The following TP53BP2 variants were observed in gnomAD, a reference collection of about 807,000 sequenced individuals.
The protein encoded by TP53BP2 is apoptosis-stimulating of p53 protein 2.
A neutral mutation model predicts 126.2 loss-of-function variants in TP53BP2; 62 were observed. The ratio of observed to expected loss-of-function variants is 0.49; its 90% CI spans 0.40 to 0.61. The LOEUF (loss-of-function observed/expected upper bound fraction) is 0.61, where lower values mean the gene tolerates loss of function less well. TP53BP2 is among the 20% of genes least tolerant of loss of function. The pLI is 0.00. For missense variants in TP53BP2, 1,215 were observed against 1,402.8 expected (o/e 0.87, Z 2.14); for synonymous variants, 485 against 502.9 (o/e 0.96, Z 0.48).
chr1:223,822,382 T>C (rs1206811860), intron 1 of TP53BP2, among the ~76,000 whole-genome samples: 1 of 152,018 alleles, frequency 6.6e-6, no homozygotes, highest in Non-Finnish European at 1.5e-5. Context: ...AACTCACTAA[T>C]AGGCTGGGTG....
intron 9 of TP53BP2, 77 bp downstream of exon 9, chr1:223,802,039 A>C: frequency 7.3e-7 from 1 of 1,370,040 alleles, no homozygotes; most frequent in East Asian, 2.3e-5. Context: ...GAATACAAAG[A>C]GAGATTTTTT....
At chr1:223,798,105 C>A in intron 12 of TP53BP2, 110 bp downstream of exon 12, 1 of 1,085,398 alleles carries the variant, frequency 9.2e-7, no homozygotes, top group Non-Finnish European at 1.3e-6. Context: ...CAGTTAAAAA[C>A]CCTTAGCGTC....
At chr1:223,805,065 AT>A (rs1434988869) in intron 5 of TP53BP2, among the ~76,000 whole-genome samples, 1 of 152,206 alleles carries the variant, frequency 6.6e-6, no homozygotes, top group Admixed American at 6.5e-5. Context: ...TTACATTAAA[AT>A]TTTTAACTAA....
chr1:223,811,795 C>A (rs563463598), intron 3 of TP53BP2, among the ~76,000 whole-genome samples: 1 of 152,290 alleles, frequency 6.6e-6, no homozygotes, highest in African/African-American at 2.4e-5. Context: ...GAAAAACAAT[C>A]CTTGTTTTAT....
chr1:223,797,794 A>C lies in TP53BP2; in HGVS notation c.1948+421T>G, dbSNP rs1474396249. Among the ~76,000 whole-genome samples the C allele has an allele frequency of 2.8e-5, 4 of 141,946 alleles. No individual in the cohort carries two copies. The South Asian group carries it at 9.1e-4, about 32-fold the overall frequency. 93.1% of individuals were successfully genotyped at this position (141,946 alleles called of 152,430 possible). A position where few individuals can be genotyped will look rare whatever the true frequency, so the allele number is the denominator to read the frequency against. ...ATATGTGTGTGATGTGTGTGTGTGT[A>C]TATATATCTATATATACATGTCTAC... On this transcript the variant is annotated intron_variant, in intron 12 of 17. Coordinates refer to ENST00000343537, the MANE Select transcript of TP53BP2 (RefSeq NM_001031685.3).
chr1:223,807,019 G>T, intron 4 of TP53BP2, 72 bp from the exon 5 acceptor site: 1 of 1,190,942 alleles, frequency 8.4e-7, no homozygotes, highest in Non-Finnish European at 1.2e-6. Flanking sequence ...CGCCCTCAAA[G>T]GTCTATGTAA....
At chr1:223,832,393 G>C (rs976975161) in intron 1 of TP53BP2, among the ~76,000 whole-genome samples, 1 of 152,182 alleles carries the variant, frequency 6.6e-6, no homozygotes, top group African/African-American at 2.4e-5. Flanking sequence ...GGGAAAATCT[G>C]AATGGTTTCT....
intron 1 of TP53BP2, among the ~76,000 whole-genome samples, chr1:223,830,186 G>A (rs1334365300): frequency 1.3e-5 from 2 of 152,034 alleles, no homozygotes; most frequent in Non-Finnish European, 2.9e-5. Context: ...GAATTTTTTC[G>A]GATTTTAGAA....
At position 223,796,485 on chromosome 1, in the gene TP53BP2, T is replaced by A; in HGVS notation, c.2054A>T (p.Glu685Val). Residue 685 changes from glutamate to valine, a missense_variant, in exon 13 of 18, where the codon GAG becomes GTG. Physicochemically the swap from Glu to Val is moderately radical, Grantham distance 121. Around this residue, in one of 4 missense-constraint regions of TP53BP2, gnomAD observed 814 missense variants for 853.0 expected, o/e 0.95. Transcript: ENST00000343537. This position sits in a 1 kb window ranked among gnomAD's most constrained non-coding sequence, Gnocchi z 4.2. The part of the protein sequence containing the change: ...GKPGSPEPET[E>V]PVSSVQENHE... ...GTTCTCCTGAACTGAAGAAACAGGC[T>A]CTGTTTCAGGTTCTGGACTGCCAGG... 1 of 1,614,152 alleles carries A rather than the reference T, an allele frequency of 6.2e-7. No homozygotes were observed. The highest frequency in any genetic ancestry group is 8.5e-7 in the Non-Finnish European group (1 of 1,180,024).
chr1:223,841,270 A>AATAAATAAATAG (rs1383747830), intron 1 of TP53BP2, among the ~76,000 whole-genome samples: 1 of 140,290 alleles, frequency 7.1e-6, no homozygotes. Context: ...TAAATAAATA[A>AATAAATAAATAG]AAGAAATATT....
chr1:223,831,469 AAAAAAAAAAAAATAT>A (rs1183719572), intron 1 of TP53BP2, among the ~76,000 whole-genome samples: 2 of 25,528 alleles, frequency 7.8e-5, no homozygotes, highest in African/African-American at 1.6e-4. Flanking sequence ...TACCATCTAA[AAAAAAAAAAAAATAT>A]ATATATATAT....
At chr1:223,842,171 C>T (rs1664122694) in intron 1 of TP53BP2, among the ~76,000 whole-genome samples, 1 of 152,112 alleles carries the variant, frequency 6.6e-6, no homozygotes, top group South Asian at 2.1e-4. Context: ...AACTCCTGAC[C>T]TCGTGATCCA....
Position 223,796,291 on chromosome 1 carries a change from G to T in TP53BP2, c.2248C>A (p.Pro750Thr). Residue 750 changes from proline to threonine, a missense_variant, in exon 13 of 18, where the codon CCT becomes ACT. Pro to Thr is a conservative substitution (Grantham distance 38, BLOSUM62 -1). Around this residue, in one of 4 missense-constraint regions of TP53BP2, gnomAD observed 46 missense variants for 93.0 expected, o/e 0.49. Coordinates refer to ENST00000343537, the MANE Select transcript of TP53BP2 (RefSeq NM_001031685.3). The surrounding 1 kb of genome is among the most constrained non-coding windows in gnomAD (Gnocchi z 4.2). ...KRSSITEPEGPNGPNIQKLLY... is the reference protein window; with the variant it reads ...KRSSITEPEGTNGPNIQKLLY... ...AGCTTCTGAATATTTGGCCCATTAGGACCCTCTGGCTCTGTAATAGAACTA... is the reference window on the plus strand; with the variant it reads ...AGCTTCTGAATATTTGGCCCATTAGTACCCTCTGGCTCTGTAATAGAACTA... 4 of 1,614,138 alleles carry T rather than the reference G, an allele frequency of 2.5e-6. No individual in the cohort carries two copies. The highest frequency in any genetic ancestry group is 3.4e-6 in the Non-Finnish European group (4 of 1,180,030).
In TP53BP2 at chr1:223,814,233, TA is replaced by T; in HGVS notation, c.289+6del. ...ATATCTGTCACGATTCACAGAGCACTACCTACCAATGTCCCTGCCAGGGGGG... is the reference window on the plus strand; with the variant it reads ...ATATCTGTCACGATTCACAGAGCACTCCTACCAATGTCCCTGCCAGGGGGG... On this transcript the variant is annotated splice_donor_region_variant and intron_variant, in intron 3 of 17. Coordinates refer to ENST00000343537, the MANE Select transcript of TP53BP2 (RefSeq NM_001031685.3). 6.2e-7 allele frequency: 1 copy of T among 1,604,396 alleles called. No individual in the cohort carries two copies.
intron 2 of TP53BP2, among the ~76,000 whole-genome samples, chr1:223,817,153 C>T (rs991089852): frequency 5.4e-5 from 8 of 149,474 alleles, no homozygotes; most frequent in African/African-American, 2.0e-4. Flanking sequence ...CACAGCAAGA[C>T]CTTGTCTCAA....
chr1:223,784,339 G>T (rs1176891717), intron 16 of TP53BP2, 25 bp from the exon 17 acceptor site: 2 of 1,609,540 alleles, frequency 1.2e-6, no homozygotes, highest in African/African-American at 2.7e-5. Context: ...GTAAGATAAA[G>T]CACAGAATAT....
chr1:223,819,171 C>G (rs566845811), intron 2 of TP53BP2, among the ~76,000 whole-genome samples: 2 of 141,584 alleles, frequency 1.4e-5, no homozygotes, highest in African/African-American at 2.7e-5. Flanking sequence ...GCAACAAGAG[C>G]GAAACTCTGT....
intron 1 of TP53BP2, 185 bp from the exon 2 acceptor site, chr1:223,821,552 C>T (rs371973578): frequency 1.7e-5 from 13 of 774,806 alleles, no homozygotes; most frequent in African/African-American, 1.3e-4. Flanking sequence ...AGCCCAGCCC[C>T]TACCATGGGG....
intron 14 of TP53BP2, among the ~76,000 whole-genome samples, chr1:223,792,898 A>C (rs1353734282): frequency 6.6e-6 from 1 of 152,110 alleles, no homozygotes; most frequent in Non-Finnish European, 1.5e-5. Context: ...AATATTTTAA[A>C]TAGTAGGCTT....
Sources: gnomAD v4.1 joint callset for allele counts (sites outside exome capture counted in the v4.1 genomes callset) on GRCh38, gnomAD v4.1.1 for gene constraint, gnomAD v4.1.1 regional missense constraint, Gnocchi (gnomAD v3.1) non-coding constraint, MANE v1.5 for transcripts, NCBI Gene and HGNC (gene_info 2026-07-23, HGNC 2026-07-21) for gene names.